Variants in IGSF10 observed in about 807,000 individuals in gnomAD.
IGSF10 encodes the protein calvaria mechanical force protein 608.
Under a neutral mutation model 128.2 loss-of-function variants are expected in IGSF10, and 126 were observed. The ratio of observed to expected loss-of-function variants is 0.98; its 90% confidence interval spans 0.85 to 1.14. IGSF10 has a LOEUF of 1.14. IGSF10 is among the 50% of genes most tolerant of loss of function. IGSF10 has a pLI of 0.00. For missense variants in IGSF10, 3,295 were observed against 3,149.8 expected (o/e 1.05, Z -1.10); for synonymous variants, 1,185 against 1,146.2 (o/e 1.03, Z -0.68).
At chr3:151,452,685 C>T (rs980853089) in intron 5 of IGSF10, among the ~76,000 whole-genome samples, 6 of 151,904 alleles carry the variant, frequency 3.9e-5, no homozygotes, top group African/African-American at 7.3e-5. Context: ...ATATTGAAAC[C>T]ACAGTTAAAG....
the IGSF10 span, among the ~76,000 whole-genome samples, chr3:151,494,280 GAAGA>G: frequency 8.2e-6 from 1 of 121,700 alleles, no homozygotes; most frequent in African/African-American, 3.3e-5. Context: ...GCAAAAAGAA[GAAGA>G]AACAATGATT....
the IGSF10 span, among the ~76,000 whole-genome samples, chr3:151,499,277 A>G: frequency 1.3e-5 from 2 of 152,180 alleles, no homozygotes; most frequent in Non-Finnish European, 2.9e-5. Context: ...GCTAAAAGGT[A>G]ATGCCAACAG....
At chr3:151,463,550 TTTTTTTTTTTTCTG>T (rs1722163301), upstream of IGSF10, among the ~76,000 whole-genome samples, 1 of 111,248 alleles carries the variant, frequency 9.0e-6, no homozygotes, top group African/African-American at 3.7e-5. Context: ...TTTTTTTTTT[TTTTTTTTTTTTCTG>T]AGACGGAGTT....
the IGSF10 span, among the ~76,000 whole-genome samples, chr3:151,469,637 T>A: frequency 6.6e-6 from 1 of 152,194 alleles, no homozygotes; most frequent in Admixed American, 6.5e-5. Context: ...TTTATGGGCC[T>A]CTTCCCCAAC....
chr3:151,608,484 G>A, the IGSF10 span, among the ~76,000 whole-genome samples: 2 of 152,214 alleles, frequency 1.3e-5, no homozygotes, highest in South Asian at 2.1e-4. Context: ...AAGAGCAAAT[G>A]TTGTTGTCCA....
Position 151,443,301 on chromosome 3 carries a change from AG to A in IGSF10, c.5645del (p.Thr1882MetfsTer3). The A allele has an allele frequency of 1.2e-6, 2 of 1,614,052 alleles. No individual in the cohort carries two copies. Among genetic ancestry groups the A allele is most frequent in the Non-Finnish European group, 1.7e-6 (2 of 1,179,922 alleles). ...TGGTAAACTGTAATGGTTTCACTTCAGTGCCATCAGAGAGGACCCAGTAAAC... is the reference window on the plus strand; with the variant it reads ...TGGTAAACTGTAATGGTTTCACTTCATGCCATCAGAGAGGACCCAGTAAAC... ...PSVYWVLSDG[T>X]EVKPLQFTNS... On this transcript the variant is annotated frameshift_variant, in exon 7 of 8. Transcript: ENST00000282466. LOFTEE classifies it high-confidence loss of function.
At chr3:151,616,424 C>A in the IGSF10 span, among the ~76,000 whole-genome samples, 4 of 152,136 alleles carry the variant, frequency 2.6e-5, no homozygotes, top group Admixed American at 6.6e-5. Context: ...GTTATTATAT[C>A]CTTTTCTTTT....
chr3:151,580,969 TAGAG>T, the IGSF10 span, among the ~76,000 whole-genome samples: 2 of 151,908 alleles, frequency 1.3e-5, no homozygotes, highest in African/African-American at 4.8e-5. Flanking sequence ...TTTTTTTAAA[TAGAG>T]AGAGAGGAGA....
chr3:151,512,451 A>G, the IGSF10 span, among the ~76,000 whole-genome samples: 1 of 152,214 alleles, frequency 6.6e-6, no homozygotes, highest in African/African-American at 2.4e-5. Context: ...TCTCTGGGAC[A>G]TATTCAAAGC....
In IGSF10 at chr3:151,436,787, T is replaced by TGAC. The variant is rs775469733; in HGVS notation, c.7771_7773dup (p.Val2591dup). Reference sequence around the variant, plus strand: ...GAATCGGAGGTTTGGGGATTCTGAATGACTAGGGTACCTTGTAAGTGAAGC... The same window carrying TGAC: ...GAATCGGAGGTTTGGGGATTCTGAATGACGACTAGGGTACCTTGTAAGTGAAGC... On this transcript the variant is annotated inframe_insertion, in exon 8 of 8. Coordinates refer to ENST00000282466, the MANE Select transcript of IGSF10 (RefSeq NM_178822.5). The TGAC allele has an allele frequency of 5.0e-6, 8 of 1,614,200 alleles. No homozygotes were observed. In the Admixed American group the frequency reaches 1.3e-4, roughly 27 times the overall value.
At chr3:151,587,958 T>C in the IGSF10 span, among the ~76,000 whole-genome samples, 3 of 152,324 alleles carry the variant, frequency 2.0e-5, no homozygotes, top group African/African-American at 4.8e-5. Context: ...CCTCTTTCTT[T>C]TGTAAATTGC....
At chr3:151,467,801 G>A in the IGSF10 span, among the ~76,000 whole-genome samples, 1 of 151,570 alleles carries the variant, frequency 6.6e-6, no homozygotes, top group African/African-American at 2.4e-5. Flanking sequence ...GGAGAATGGC[G>A]TGAACCCCGG....
chr3:151,499,986 A>G, the IGSF10 span, among the ~76,000 whole-genome samples: 5 of 152,180 alleles, frequency 3.3e-5, no homozygotes, highest in African/African-American at 1.2e-4. Context: ...TGTAAACAAG[A>G]TACAAAGAAA....
the IGSF10 span, among the ~76,000 whole-genome samples, chr3:151,479,566 T>C: frequency 2.0e-5 from 3 of 152,202 alleles, no homozygotes; most frequent in Non-Finnish European, 4.4e-5. Context: ...AATTCCTGGC[T>C]AATCTCATGG....
chr3:151,507,795 G>A, the IGSF10 span, among the ~76,000 whole-genome samples: 1 of 152,060 alleles, frequency 6.6e-6, no homozygotes, highest in African/African-American at 2.4e-5. Context: ...GATGAGATTT[G>A]GGTGAGAACA....
chr3:151,463,029 G>A (rs1381409872), upstream of IGSF10, among the ~76,000 whole-genome samples: 1 of 152,254 alleles, frequency 6.6e-6, no homozygotes. Flanking sequence ...CAACTAGGAT[G>A]AACCACAGAA....
chr3:151,533,941 C>T, the IGSF10 span, among the ~76,000 whole-genome samples: 1 of 152,134 alleles, frequency 6.6e-6, no homozygotes, highest in East Asian at 1.9e-4. Flanking sequence ...CTACAAAGAA[C>T]TTAAACAAAT....
the IGSF10 span, among the ~76,000 whole-genome samples, chr3:151,613,598 G>A: frequency 1.3e-5 from 2 of 151,730 alleles, no homozygotes; most frequent in East Asian, 1.9e-4. Flanking sequence ...TTAATAAATG[G>A]TGCTGGGAAA....
chr3:151,534,148 C>A, the IGSF10 span, among the ~76,000 whole-genome samples: 8 of 151,528 alleles, frequency 5.3e-5, no homozygotes, highest in African/African-American at 1.7e-4. Flanking sequence ...ATTAAAAAGT[C>A]AGGAAACAAC....
Sources: allele counts gnomAD v4.1 joint callset (sites outside exome capture counted in the v4.1 genomes callset), GRCh38; gene constraint gnomAD v4.1.1; transcripts MANE v1.5; gene names NCBI Gene and HGNC (gene_info 2026-07-23, HGNC 2026-07-21).